INTS4: variants seen among roughly 807,000 people sequenced by gnomAD.
INTS4 encodes the protein integrator complex subunit 4, also known as MSTP093.
A neutral mutation model predicts 119.5 loss-of-function variants in INTS4; 70 were observed. That is an observed-to-expected ratio of 0.59 (90% CI 0.48 to 0.71). The LOEUF (loss-of-function observed/expected upper bound fraction) is 0.71, where lower values mean the gene tolerates loss of function less well. Ranked by LOEUF, INTS4 falls within the 30% of genes least tolerant of loss-of-function variation. The pLI is 0.00. For synonymous variants in INTS4, 316 were observed against 419.6 expected (o/e 0.75, Z 3.02); for missense variants, 867 against 1,173.2 (o/e 0.74, Z 3.81).
chr11:77,911,977 ATC>A (rs1224273116), intron 15 of INTS4, among the ~76,000 whole-genome samples: 1 of 152,172 alleles, frequency 6.6e-6, no homozygotes, highest in Non-Finnish European at 1.5e-5. Flanking sequence ...TTTTAACCAT[ATC>A]ATATTGCATC....
intron 4 of INTS4, chr11:77,963,480 C>A: frequency 2.4e-6 from 1 of 414,394 alleles, no homozygotes; most frequent in Non-Finnish European, 4.7e-6. Context: ...TTTGTCAGGC[C>A]ATTGAAGTGC....
intron 15 of INTS4, chr11:77,918,006 A>G (rs1591053286): frequency 8.6e-6 from 6 of 700,110 alleles, no homozygotes; most frequent in African/African-American, 7.0e-5. Flanking sequence ...GTGTCTTTAA[A>G]CAAACCACAG....
chr11:77,992,883 G>A (rs889748008), intron 1 of INTS4, among the ~76,000 whole-genome samples: 2 of 152,100 alleles, frequency 1.3e-5, no homozygotes, highest in South Asian at 2.1e-4. Flanking sequence ...TCTTTTCAGC[G>A]GAGAAAAAAG....
intron 4 of INTS4, among the ~76,000 whole-genome samples, chr11:77,961,496 A>C (rs1954475957): frequency 6.6e-6 from 1 of 152,232 alleles, no homozygotes; most frequent in African/African-American, 2.4e-5. Flanking sequence ...TAAATTTTTA[A>C]AACTTTTAAT....
intron 18 of INTS4, among the ~76,000 whole-genome samples, chr11:77,896,299 T>C (rs181235179): frequency 7.2e-5 from 11 of 152,224 alleles, no homozygotes; most frequent in Admixed American, 3.9e-4. Context: ...ACTCAACGGT[T>C]CAGAACAGTG....
intron 4 of INTS4, among the ~76,000 whole-genome samples, chr11:77,966,045 T>C (rs980584175): frequency 4.6e-5 from 7 of 152,226 alleles, no homozygotes; most frequent in Non-Finnish European, 8.8e-5. Flanking sequence ...CTCACTTAAT[T>C]TGCATTTTCC....
intron 21 of INTS4, among the ~76,000 whole-genome samples, chr11:77,884,352 T>C (rs976325517): frequency 6.6e-6 from 1 of 152,254 alleles, no homozygotes; most frequent in East Asian, 1.9e-4. Flanking sequence ...AATTGCATTC[T>C]TTCCACTACA....
chr11:77,891,525 T>A, intron 20 of INTS4, 63 bp from the exon 21 acceptor site: 1 of 1,597,276 alleles, frequency 6.3e-7, no homozygotes, highest in Non-Finnish European at 8.6e-7. Flanking sequence ...AGAAAACGCA[T>A]CTTTTTTCTG....
chr11:77,960,404 T>C lies in INTS4; in HGVS notation c.658-13A>G, dbSNP rs1954438483. The stretch of plus-strand genomic sequence containing the variant: ...CATGGAGCTGCAACTAGATAATAAA[T>C]ATATAGTTTAAGTGCTTGGGAGGAA... On this transcript the variant is annotated splice_polypyrimidine_tract_variant and intron_variant, in intron 5 of 22. Transcript: ENST00000534064. 2.6e-6 allele frequency: 4 copies of C among 1,565,920 alleles called. No individual in the cohort carries two copies. The South Asian group carries it at 3.4e-5, about 13-fold the overall frequency.
chr11:77,902,301 G>A (rs1738502609), intron 17 of INTS4, among the ~76,000 whole-genome samples: 1 of 152,124 alleles, frequency 6.6e-6, no homozygotes, highest in Non-Finnish European at 1.5e-5. Flanking sequence ...GTTTATCACA[G>A]TATCTGGTAT....
chr11:77,959,035 A>C (rs1954400026), intron 6 of INTS4, among the ~76,000 whole-genome samples: 2 of 152,146 alleles, frequency 1.3e-5, no homozygotes, highest in African/African-American at 2.4e-5. Flanking sequence ...TATGCACCCT[A>C]CCCCATGTCT....
intron 18 of INTS4, among the ~76,000 whole-genome samples, chr11:77,896,320 CA>C (rs1220489813): frequency 6.6e-6 from 1 of 152,044 alleles, no homozygotes; most frequent in East Asian, 1.9e-4. Flanking sequence ...GAATCAACAA[CA>C]ATGTAAACTG....
rs185240019 is a variant in INTS4 at position 77,948,564 on chromosome 11, T to C, written c.919-7313A>G. On this transcript the variant is annotated intron_variant, in intron 8 of 22. Transcript: ENST00000534064. ...GGGGAGGTTGGGGCACGAGAACCACTTGAACCCAGGAGGTGAAGGTTGCAG... is the reference window on the plus strand; with the variant it reads ...GGGGAGGTTGGGGCACGAGAACCACCTGAACCCAGGAGGTGAAGGTTGCAG... Among the ~76,000 whole-genome samples, 475 of 150,842 alleles carry C rather than the reference T, an allele frequency of 3.1e-3. 2 individuals carry two copies. The highest frequency in any genetic ancestry group is 0.011 in the African/African-American group (455 of 41,020).
At chr11:77,973,713 T>C (rs1262578498) in intron 4 of INTS4, among the ~76,000 whole-genome samples, 1 of 152,254 alleles carries the variant, frequency 6.6e-6, no homozygotes, top group African/African-American at 2.4e-5. Context: ...ATTGTTATGA[T>C]CTTGTTTTTT....
intron 1 of INTS4, among the ~76,000 whole-genome samples, chr11:77,992,635 G>T (rs1261074967): frequency 1.3e-5 from 2 of 152,138 alleles, no homozygotes; most frequent in Non-Finnish European, 2.9e-5. Flanking sequence ...CATTTCTATA[G>T]AAAAGAGAGT....
intron 15 of INTS4, chr11:77,911,090 G>C (rs545362592): frequency 1.6e-6 from 2 of 1,285,680 alleles, no homozygotes; most frequent in African/African-American, 3.0e-5. Context: ...TCTCATGCTC[G>C]GCAGGTAACG....
chr11:77,933,526 C>T, intron 10 of INTS4, among the ~76,000 whole-genome samples: 1 of 152,218 alleles, frequency 6.6e-6, no homozygotes, highest in East Asian at 1.9e-4. Flanking sequence ...TAATTCAGTG[C>T]TCAATGTTGC....
Position 77,955,897 on chromosome 11 carries a change from TA to T in INTS4, c.918+44del, listed in dbSNP as rs1954308317. ...GTCCTCATTTCTACAGAAAAGAAAA[TA>T]AATATATACATGCATACATACATAC... On this transcript the variant is annotated intron_variant, in intron 8 of 22. Transcript: ENST00000534064. The T allele has an allele frequency of 2.0e-6, 3 of 1,536,570 alleles. No individual in the cohort carries two copies. In the Admixed American group the frequency reaches 5.9e-5, roughly 30 times the overall value.
intron 11 of INTS4, among the ~76,000 whole-genome samples, chr11:77,927,608 C>CT (rs1320762595): frequency 6.6e-6 from 1 of 152,094 alleles, no homozygotes; most frequent in African/African-American, 2.4e-5. Context: ...GGAAGCAACT[C>CT]TCTGTTTACA....
Sources: allele counts gnomAD v4.1 joint callset (sites outside exome capture counted in the v4.1 genomes callset), GRCh38; gene constraint gnomAD v4.1.1; transcripts MANE v1.5; gene names NCBI Gene and HGNC (gene_info 2026-07-23, HGNC 2026-07-21).